CRPPA: variants seen among roughly 807,000 people sequenced by gnomAD.
CRPPA encodes the protein CDP-L-ribitol pyrophosphorylase A.
In CRPPA, 43 loss-of-function variants were observed where a neutral mutation model predicts 52.0. The ratio of observed to expected loss-of-function variants is 0.83; its 90% CI spans 0.65 to 1.07. The LOEUF (loss-of-function observed/expected upper bound fraction) is 1.07. CRPPA is among the 50% of genes least tolerant of loss of function. The pLI, the probability that CRPPA is intolerant of heterozygous loss-of-function variation, is 0.00. For synonymous variants in CRPPA, 250 were observed against 203.5 expected (o/e 1.23, Z -1.94); for missense variants, 629 against 551.7 (o/e 1.14, Z -1.40).
intron 8 of CRPPA, among the ~76,000 whole-genome samples, chr7:16,236,477 T>C (rs1020885187): frequency 4.6e-5 from 7 of 152,160 alleles, no homozygotes; most frequent in African/African-American, 1.7e-4. Flanking sequence ...TTCAAAAGTA[T>C]CACACTTAAA....
At chr7:16,399,705 C>G (rs1787744243) in intron 2 of CRPPA, among the ~76,000 whole-genome samples, 1 of 151,758 alleles carries the variant, frequency 6.6e-6, no homozygotes, top group South Asian at 2.1e-4. Context: ...AACACGTGAC[C>G]AACATGACTG....
intron 3 of CRPPA, among the ~76,000 whole-genome samples, chr7:16,358,844 C>T (rs1262284468): frequency 6.6e-6 from 1 of 152,138 alleles, no homozygotes; most frequent in Non-Finnish European, 1.5e-5. Flanking sequence ...CCATACAATG[C>T]AAAATTACAT....
intron 3 of CRPPA, among the ~76,000 whole-genome samples, chr7:16,341,776 T>C (rs1034987296): frequency 2.6e-5 from 4 of 152,218 alleles, no homozygotes; most frequent in African/African-American, 4.8e-5. Context: ...TCTTAGAGAA[T>C]AGTGTTCCAT....
chr7:16,256,716 G>A (rs1046788478), intron 8 of CRPPA, among the ~76,000 whole-genome samples: 7 of 152,018 alleles, frequency 4.6e-5, no homozygotes, highest in African/African-American at 1.7e-4. Flanking sequence ...TGAACAATGA[G>A]AACACATGGA....
At chr7:16,286,044 A>AAAAAAT (rs1784429583) in intron 5 of CRPPA, among the ~76,000 whole-genome samples, 1 of 12,544 alleles carries the variant, frequency 8.0e-5, no homozygotes, top group African/African-American at 5.3e-4. Context: ...AAAAAATATA[A>AAAAAAT]ATATATATAT....
At chr7:16,236,387 G>C (rs905819228) in intron 8 of CRPPA, among the ~76,000 whole-genome samples, 6 of 152,020 alleles carry the variant, frequency 3.9e-5, no homozygotes, top group African/African-American at 1.4e-4. Flanking sequence ...CTTAAGTATT[G>C]AGCATTTAAG....
At chr7:16,198,245 G>C (rs1317367641) in intron 9 of CRPPA, among the ~76,000 whole-genome samples, 1 of 20,084 alleles carries the variant, frequency 5.0e-5, no homozygotes, top group Non-Finnish European at 9.6e-5. Context: ...GCAATGGAAT[G>C]TCTCGGTATA....
In CRPPA at chr7:16,091,654, G is replaced by A. The variant is rs895723369; in HGVS notation, c.*41C>T. On this transcript the variant is annotated 3_prime_UTR_variant, in exon 10 of 10. Transcript: ENST00000407010. ...GGGGCACAAAGCACAATTAAGATAC[G>A]CAAATAGATGTTTTAGAAAATAGGT... 18 of 1,117,900 alleles carry A rather than the reference G, an allele frequency of 1.6e-5. No homozygotes were observed. The highest frequency in any genetic ancestry group is 3.1e-5 in the African/African-American group (2 of 63,812). The allele number at this position is 1,117,900 out of a possible 1,614,324, so 69.2% of individuals were successfully genotyped here.
chr7:16,376,279 A>G, intron 2 of CRPPA, 38 bp from the exon 3 acceptor site: 1 of 1,551,396 alleles, frequency 6.4e-7, no homozygotes, highest in Non-Finnish European at 8.7e-7. Flanking sequence ...TTTCACCTAC[A>G]AGCCATTTTA....
At chr7:16,194,061 T>C (rs927684628) in intron 9 of CRPPA, among the ~76,000 whole-genome samples, 1 of 152,032 alleles carries the variant, frequency 6.6e-6, no homozygotes, top group Admixed American at 6.6e-5. Flanking sequence ...TTAAACACAC[T>C]TACCTAAGAC....
At chr7:16,189,056 C>T (rs182715814) in intron 9 of CRPPA, among the ~76,000 whole-genome samples, 5 of 152,194 alleles carry the variant, frequency 3.3e-5, no homozygotes, top group Admixed American at 6.5e-5. Flanking sequence ...CAACATCATT[C>T]GATGTCTCTG....
At chr7:16,303,499 A>AAAAAAAAAAAAAAAAC (rs1562619571) in intron 4 of CRPPA, among the ~76,000 whole-genome samples, 2 of 148,368 alleles carry the variant, frequency 1.3e-5, no homozygotes, top group African/African-American at 5.0e-5. Flanking sequence ...AAAAAAAAAA[A>AAAAAAAAAAAAAAAAC]AAAACTTTCA....
In CRPPA at chr7:16,265,445, G is replaced by A. The variant is rs997748994; in HGVS notation, c.934-6433C>T. On this transcript the variant is annotated intron_variant, in intron 6 of 9. Coordinates refer to ENST00000407010, the MANE Select transcript of CRPPA (RefSeq NM_001101426.4). ...AAGACTGGAGTCTAACATTCAGCCC[G>A]GAAGATCCATTTGCAGTGCTACATA... Among the ~76,000 whole-genome samples, 11 of 152,174 alleles carry A rather than the reference G, an allele frequency of 7.2e-5. 1 individual carries two copies. The highest frequency in any genetic ancestry group is 2.6e-4 in the Admixed American group (4 of 15,272).
chr7:16,168,961 C>A (rs373877662), intron 9 of CRPPA, among the ~76,000 whole-genome samples: 1 of 152,142 alleles, frequency 6.6e-6, no homozygotes, highest in Admixed American at 6.5e-5. Flanking sequence ...CACAACCCTA[C>A]ACTCTTAAGG....
At chr7:16,125,279 AAAC>A (rs1233926319) in intron 9 of CRPPA, among the ~76,000 whole-genome samples, 1 of 151,206 alleles carries the variant, frequency 6.6e-6, no homozygotes, top group African/African-American at 2.4e-5. Context: ...AAAAAAAAAA[AAAC>A]CAACAACAAC....
chr7:16,342,798 T>TAGATATATAG (rs1491461185), intron 3 of CRPPA, among the ~76,000 whole-genome samples: 2 of 101,254 alleles, frequency 2.0e-5, no homozygotes, highest in African/African-American at 8.1e-5. Context: ...TATATATATA[T>TAGATATATAG]CTATATAGAT....
chr7:16,334,505 T>C (rs1217474953), intron 3 of CRPPA, among the ~76,000 whole-genome samples: 2 of 152,174 alleles, frequency 1.3e-5, no homozygotes, highest in African/African-American at 2.4e-5. Context: ...AAGCATAGCC[T>C]CTGGTCCTGC....
chr7:16,421,315 G>A lies in CRPPA; in HGVS notation c.8C>T (p.Ala3Val). 8.0e-7 allele frequency: 1 copy of A among 1,254,746 alleles called. No individual in the cohort carries two copies. The highest frequency in any genetic ancestry group is 1.0e-6 in the Non-Finnish European group (1 of 995,960). 77.7% of individuals were successfully genotyped at this position (1,254,746 alleles called of 1,614,324 possible). ME[A>V]GPPGSARPAE... ...CGGCCTGGCGCTGCCCGGCGGCCCGGCCTCCATGGCTGCGGGCGGAACGGC... is the reference window on the plus strand; with the variant it reads ...CGGCCTGGCGCTGCCCGGCGGCCCGACCTCCATGGCTGCGGGCGGAACGGC... The change falls in exon 1 of 10, where the codon GCC (alanine) becomes GTC (valine). Residue 3 changes from alanine to valine, a missense_variant. Ala to Val is a moderately conservative substitution (Grantham distance 64). Transcript: ENST00000407010.
intron 3 of CRPPA, among the ~76,000 whole-genome samples, chr7:16,369,545 G>A (rs1786694600): frequency 6.6e-6 from 1 of 151,864 alleles, no homozygotes; most frequent in Non-Finnish European, 1.5e-5. Flanking sequence ...ATATGAGACG[G>A]TCTTTCTCTT....
Sources: gnomAD v4.1 joint callset for allele counts (sites outside exome capture counted in the v4.1 genomes callset) on GRCh38, gnomAD v4.1.1 for gene constraint, MANE v1.5 for transcripts, NCBI Gene and HGNC (gene_info 2026-07-23, HGNC 2026-07-21) for gene names.